Variants in ROS1 observed in about 807,000 individuals in gnomAD.
ROS1 encodes ROS proto-oncogene 1, receptor tyrosine kinase.
In ROS1, 263 loss-of-function variants were observed where a neutral mutation model predicts 273.5. The observed-to-expected ratio is 0.96, with a 90% CI of 0.87 to 1.06. ROS1 has a LOEUF of 1.06. Ranked by LOEUF, ROS1 falls within the 50% of genes least tolerant of loss-of-function variation. The pLI, the probability that ROS1 is intolerant of heterozygous loss-of-function variation, is 0.00. For synonymous variants in ROS1, 1,008 were observed against 954.1 expected (o/e 1.06, Z -1.04); for missense variants, 2,833 against 2,751.1 (o/e 1.03, Z -0.67).
chr6:117,338,516 A>G (rs1162603567), intron 31 of ROS1, among the ~76,000 whole-genome samples: 1 of 151,032 alleles, frequency 6.6e-6, no homozygotes, highest in African/African-American at 2.4e-5. Context: ...TGAACCTCAG[A>G]GAGAGAGAAA....
chr6:117,296,507 G>A (rs1381115212), intron 43 of ROS1, among the ~76,000 whole-genome samples: 4 of 152,138 alleles, frequency 2.6e-5, no homozygotes, highest in Non-Finnish European at 5.9e-5. Flanking sequence ...CCAAGAATAT[G>A]TATGGAACTG....
At chr6:117,416,422 A>G (rs1489393027) in intron 2 of ROS1, 105 bp from the exon 3 acceptor site, 8 of 764,056 alleles carry the variant, frequency 1.0e-5, no homozygotes, top group Non-Finnish European at 1.8e-5. Flanking sequence ...TCTGTGTTTT[A>G]GAAATAGAAA....
At chr6:117,300,214 C>G (rs896365820) in intron 43 of ROS1, among the ~76,000 whole-genome samples, 2 of 148,880 alleles carry the variant, frequency 1.3e-5, no homozygotes, top group Non-Finnish European at 3.0e-5. Flanking sequence ...GCCTCCCAAA[C>G]TGCTGGGATT....
intron 18 of ROS1, among the ~76,000 whole-genome samples, chr6:117,378,068 AT>A (rs1347963490): frequency 1.3e-5 from 2 of 152,308 alleles, no homozygotes; most frequent in Middle Eastern, 3.4e-3. Flanking sequence ...ATTTTCATAC[AT>A]TTTTTATGGG....
Position 117,415,881 on chromosome 6 carries a change from T to C in ROS1, c.228+377A>G, listed in dbSNP as rs1024043085. Among the ~76,000 whole-genome samples the C allele has an allele frequency of 7.2e-5, 11 of 152,286 alleles. No individual in the cohort carries two copies. The South Asian group carries it at 1.5e-3, about 20-fold the overall frequency. On this transcript the variant is annotated intron_variant, in intron 3 of 43. Coordinates refer to ENST00000368507, the MANE Select transcript of ROS1 (RefSeq NM_001378902.1). ...AATCTCAGGCTCCACCCAAGACCTA[T>C]TGAATCAGAATCAGCATTTTAATAA...
At chr6:117,310,806 G>T (rs1376641495) in intron 40 of ROS1, among the ~76,000 whole-genome samples, 3 of 152,048 alleles carry the variant, frequency 2.0e-5, no homozygotes, top group Non-Finnish European at 4.4e-5. Flanking sequence ...CATTTGCGTT[G>T]GTTCCAAGTC....
Position 117,288,500 on chromosome 6 carries a change from A to G in ROS1, c.7018T>C (p.Ser2340Pro), listed in dbSNP as rs2128520458. Residue 2340 changes from serine (S) to proline (P), a missense_variant, in exon 44 of 44, where the codon TCT (serine) becomes CCT (proline). Physicochemically the swap from Ser to Pro is moderately conservative, Grantham distance 74 (BLOSUM62 -1). Transcript: ENST00000368507. Reference protein sequence around the residue: ...CLTHSGYGDGSD With the variant: ...CLTHSGYGDGPD ...TTTCCCAAACAACGCTATTAATCAGACCCATCTCCATATCCACTGTGAGTG... is the reference window on the plus strand; with the variant it reads ...TTTCCCAAACAACGCTATTAATCAGGCCCATCTCCATATCCACTGTGAGTG... 1.2e-6 allele frequency: 2 copies of G among 1,612,000 alleles called. No homozygotes were observed. The highest frequency in any genetic ancestry group is 1.7e-6 in the Non-Finnish European group (2 of 1,179,328).
intron 17 of ROS1, among the ~76,000 whole-genome samples, chr6:117,380,178 T>C (rs1041873051): frequency 1.3e-5 from 2 of 152,074 alleles, no homozygotes; most frequent in Non-Finnish European, 2.9e-5. Flanking sequence ...GTATAACCAA[T>C]AGAATTAAAG....
intron 33 of ROS1, among the ~76,000 whole-genome samples, chr6:117,327,784 G>A (rs1173738640): frequency 6.6e-6 from 1 of 152,142 alleles, no homozygotes; most frequent in Non-Finnish European, 1.5e-5. Flanking sequence ...TTAAGATGAG[G>A]TCATAGTAGT....
chr6:117,379,725 T>G (rs568492831), intron 17 of ROS1, among the ~76,000 whole-genome samples: 14 of 152,294 alleles, frequency 9.2e-5, no homozygotes, highest in African/African-American at 3.4e-4. Flanking sequence ...GGCTCCAGTA[T>G]GCTTTAAAAC....
In ROS1 at chr6:117,344,014, A is replaced by G. The variant is rs751731095; in HGVS notation, c.4506+46T>C. ...CTATGGCTCATAATTTTATATCAAA[A>G]AAGAACATCTTGTGAAAAGACAAAG... is the stretch of plus-strand genomic sequence containing the variant. On this transcript the variant is annotated intron_variant, in intron 28 of 43. Coordinates refer to ENST00000368507, the MANE Select transcript of ROS1 (RefSeq NM_001378902.1). 79 of 1,506,902 alleles carry G rather than the reference A, an allele frequency of 5.2e-5. 3 individuals carry two copies. The Admixed American group carries it at 1.2e-3, about 23-fold the overall frequency. The allele number at this position is 1,506,902 out of a possible 1,614,324, so 93.3% of individuals were successfully genotyped here. A position where few individuals can be genotyped will look rare whatever the true frequency, so the allele number is the denominator to read the frequency against.
At chr6:117,385,650 C>T (rs1258162122) in intron 16 of ROS1, 33 bp downstream of exon 16, 13 of 1,604,136 alleles carry the variant, frequency 8.1e-6, no homozygotes, top group Non-Finnish European at 1.0e-5. Context: ...AAGTATCATT[C>T]TAGAGCATCC....
intron 26 of ROS1, among the ~76,000 whole-genome samples, chr6:117,354,277 T>A (rs1378503410): frequency 6.6e-6 from 1 of 151,616 alleles, no homozygotes; most frequent in Non-Finnish European, 1.5e-5. Flanking sequence ...CACCTGAGCC[T>A]GGGAGATGGA....
chr6:117,298,821 T>C (rs1774451062), intron 43 of ROS1, among the ~76,000 whole-genome samples: 1 of 152,242 alleles, frequency 6.6e-6, no homozygotes, highest in Non-Finnish European at 1.5e-5. Context: ...TACAGGTGCT[T>C]ACACTATGCC....
At chr6:117,376,323 T>C (rs543258574) in intron 18 of ROS1, among the ~76,000 whole-genome samples, 2 of 152,224 alleles carry the variant, frequency 1.3e-5, no homozygotes, top group African/African-American at 4.8e-5. Context: ...TAAAAATAAA[T>C]AGCCTTATAT....
rs770579061 is a variant in ROS1, at chr6:117,353,097, G to A, written c.4196C>T (p.Thr1399Ile). 2 of 1,614,042 alleles carry A rather than the reference G, an allele frequency of 1.2e-6. No homozygotes were observed. The highest frequency in any genetic ancestry group is 1.7e-6 in the Non-Finnish European group (2 of 1,179,962). ...IYWIITAKDS[T>I]QIYQAKKGNG... ...TCCTTTCTTTGCCTGATAAATCTGT[G>A]TGCTGTCCTTTGCTGTGATGATCCA... The change falls in exon 27 of 44, where the codon ACA becomes ATA. Residue 1399 changes from threonine to isoleucine, a missense_variant. Physicochemically the swap from Thr to Ile is moderately conservative, Grantham distance 89. Coordinates refer to ENST00000368507, the MANE Select transcript of ROS1 (RefSeq NM_001378902.1).
At chr6:117,408,695 C>G (rs1467867280) in intron 5 of ROS1, among the ~76,000 whole-genome samples, 1 of 152,018 alleles carries the variant, frequency 6.6e-6, no homozygotes, top group Non-Finnish European at 1.5e-5. Context: ...ATCATTTGAC[C>G]CAGCCATCCC....
At chr6:117,303,661 G>A (rs1403690555) in intron 42 of ROS1, among the ~76,000 whole-genome samples, 7 of 152,164 alleles carry the variant, frequency 4.6e-5, no homozygotes, top group African/African-American at 1.4e-4. Context: ...AACACTACAA[G>A]GGGAAGCTTT....
chr6:117,370,090 T>C (rs977212940), intron 18 of ROS1, among the ~76,000 whole-genome samples: 2 of 152,198 alleles, frequency 1.3e-5, no homozygotes, highest in African/African-American at 2.4e-5. Context: ...GATAGATAAA[T>C]ATACACATAC....
Sources: gnomAD v4.1 joint callset for allele counts (sites outside exome capture counted in the v4.1 genomes callset) on GRCh38, gnomAD v4.1.1 for gene constraint, MANE v1.5 for transcripts, NCBI Gene and HGNC (gene_info 2026-07-23, HGNC 2026-07-21) for gene names.